The following SLC35A3 variants were observed in gnomAD, a reference collection of about 807,000 sequenced individuals.
SLC35A3 encodes UDP-N-acetylglucosamine transporter.
A neutral mutation model predicts 39.0 loss-of-function variants in SLC35A3; 26 were observed. That is an observed-to-expected ratio of 0.67 (90% CI 0.49 to 0.92). The LOEUF (loss-of-function observed/expected upper bound fraction) is 0.92. Ranked by LOEUF, SLC35A3 falls within the 40% of genes least tolerant of loss-of-function variation. SLC35A3 has a pLI of 0.00. For synonymous variants in SLC35A3, 135 were observed against 133.1 expected (o/e 1.01, Z -0.10); for missense variants, 299 against 371.6 (o/e 0.80, Z 1.61).
At chr1:99,988,841 C>T (rs537747008) in intron 1 of SLC35A3, among the ~76,000 whole-genome samples, 4 of 152,064 alleles carry the variant, frequency 2.6e-5, no homozygotes, top group Non-Finnish European at 5.9e-5. Flanking sequence ...TTGTAGCTCA[C>T]TATAACCTCA....
At chr1:100,016,128 G>C (rs1660092801) in intron 6 of SLC35A3, among the ~76,000 whole-genome samples, 1 of 147,518 alleles carries the variant, frequency 6.8e-6, no homozygotes, top group African/African-American at 2.5e-5. Context: ...GCAGTGGTAC[G>C]ATCTCGTCTC....
intron 1 of SLC35A3, among the ~76,000 whole-genome samples, chr1:99,990,216 A>G (rs748007511): frequency 9.2e-5 from 14 of 152,134 alleles, no homozygotes; most frequent in Non-Finnish European, 1.8e-4. Context: ...TGTAATGGCT[A>G]TATGATCCAT....
chr1:99,986,393 T>C (rs1486431764), intron 1 of SLC35A3, among the ~76,000 whole-genome samples: 1 of 151,990 alleles, frequency 6.6e-6, no homozygotes, highest in African/African-American at 2.4e-5. Flanking sequence ...CTCTAACTCC[T>C]GGGCTCAAGT....
At chr1:99,978,099 C>G (rs1657228011) in intron 1 of SLC35A3, among the ~76,000 whole-genome samples, 1 of 152,126 alleles carries the variant, frequency 6.6e-6, no homozygotes. Flanking sequence ...AGCTTATAAG[C>G]TTTATATCTG....
intron 7 of SLC35A3, among the ~76,000 whole-genome samples, chr1:100,019,756 G>A (rs1180038544): frequency 6.6e-6 from 1 of 152,088 alleles, no homozygotes; most frequent in Non-Finnish European, 1.5e-5. Context: ...CCACTGCCAT[G>A]TCATATCTGT....
chr1:99,987,149 C>G (rs796794671), intron 1 of SLC35A3, among the ~76,000 whole-genome samples: 1 of 152,342 alleles, frequency 6.6e-6, no homozygotes, highest in South Asian at 2.1e-4. Flanking sequence ...GCTATATAGG[C>G]TGGTGTCTCC....
chr1:100,010,437 A>G (rs1309567140), intron 4 of SLC35A3, among the ~76,000 whole-genome samples: 1 of 152,232 alleles, frequency 6.6e-6, no homozygotes, highest in African/African-American at 2.4e-5. Context: ...TCACACCCAC[A>G]GTCCTAGCAC....
intron 7 of SLC35A3, among the ~76,000 whole-genome samples, chr1:100,018,422 C>T (rs1012304075): frequency 1.3e-5 from 2 of 152,050 alleles, no homozygotes; most frequent in South Asian, 2.1e-4. Context: ...TAATTGTTTC[C>T]AGTACACCAC....
rs759840996 is a variant in SLC35A3 at position 99,995,452 on chromosome 1, C to A, written c.187+1711C>A. ...ACAGGAGTGAGCCACCACACCTGGC[C>A]CTTTTTGTGTATTTTCTTTCGAACT... On this transcript the variant is annotated intron_variant, in intron 2 of 7. Coordinates refer to ENST00000533028, the MANE Select transcript of SLC35A3 (RefSeq NM_012243.3). 2.0e-5 allele frequency among the ~76,000 whole-genome samples: 3 copies of A among 151,906 alleles called. No homozygotes were observed. The East Asian group carries it at 5.8e-4, about 29-fold the overall frequency.
chr1:100,016,928 A>G (rs1223899933), intron 6 of SLC35A3, among the ~76,000 whole-genome samples: 1 of 152,218 alleles, frequency 6.6e-6, no homozygotes. Context: ...CAACATTGCC[A>G]AGAAATACTG....
In SLC35A3 at chr1:100,028,367, A is replaced by G. The variant is rs546806005; in HGVS notation, c.*5891A>G. On this transcript the variant is annotated 3_prime_UTR_variant, in exon 8 of 8. Coordinates refer to ENST00000533028, the MANE Select transcript of SLC35A3 (RefSeq NM_012243.3). The stretch of plus-strand genomic sequence containing the variant: ...AGACAAGGTCTTCCTCCCGTTGCCT[A>G]GGCTGGAGTGCGGTGACACAATCTT... The G allele has an allele frequency of 6.6e-6, 1 of 152,458 alleles. No homozygotes were observed. The highest frequency in any genetic ancestry group is 1.9e-4 in the East Asian group (1 of 5,184). 9.4% of individuals were successfully genotyped at this position (152,458 alleles called of 1,614,324 possible).
intron 6 of SLC35A3, among the ~76,000 whole-genome samples, chr1:100,015,876 T>C (rs1332632550): frequency 6.6e-6 from 1 of 152,040 alleles, no homozygotes. Flanking sequence ...AAGGGTTGAG[T>C]AATTAATTAC....
intron 6 of SLC35A3, among the ~76,000 whole-genome samples, chr1:100,016,996 A>G (rs933250978): frequency 1.3e-5 from 2 of 152,240 alleles, no homozygotes; most frequent in African/African-American, 2.4e-5. Context: ...CTTTCTCTAA[A>G]TAAAGCTTCC....
In SLC35A3 at chr1:100,032,482, T is replaced by C. The variant is rs1292066911; in HGVS notation, c.*10006T>C. The C allele has an allele frequency of 1.3e-5, 2 of 152,222 alleles. No individual in the cohort carries two copies. Among genetic ancestry groups the C allele is most frequent in the Non-Finnish European group, 2.9e-5 (2 of 68,040 alleles). 9.4% of individuals were successfully genotyped at this position (152,222 alleles called of 1,614,324 possible). ...TACTCAATATATTATAGCCAATCGGTCACAGTTCTTTTTGATGCTCATATA... is the reference window on the plus strand; with the variant it reads ...TACTCAATATATTATAGCCAATCGGCCACAGTTCTTTTTGATGCTCATATA... On this transcript the variant is annotated 3_prime_UTR_variant, in exon 8 of 8. Coordinates refer to ENST00000533028, the MANE Select transcript of SLC35A3 (RefSeq NM_012243.3).
intron 1 of SLC35A3, among the ~76,000 whole-genome samples, chr1:99,979,723 C>T (rs926349415): frequency 2.0e-5 from 3 of 150,738 alleles, no homozygotes; most frequent in East Asian, 2.0e-4. Flanking sequence ...CGTGAGCCAC[C>T]GCGCCTGGCC....
intron 6 of SLC35A3, 32 bp from the exon 7 acceptor site, chr1:100,017,650 G>T: frequency 7.0e-7 from 1 of 1,422,770 alleles, no homozygotes. Context: ...TTTTACATGT[G>T]TGTTTTAAAA....
rs1387468392 is a variant in SLC35A3 at position 100,033,595 on chromosome 1, A to G, written c.*11119A>G. On this transcript the variant is annotated 3_prime_UTR_variant, in exon 8 of 8. Transcript: ENST00000533028. ...GGTTTGTATGCTCTAATTTATACTG[A>G]TAACATTTTATATAATGCATTTAGA... is the stretch of plus-strand genomic sequence containing the variant. 1 of 152,134 alleles carries G rather than the reference A, an allele frequency of 6.6e-6. No homozygotes were observed. Among genetic ancestry groups the G allele is most frequent in the East Asian group, 1.9e-4 (1 of 5,202 alleles). 9.4% of individuals were successfully genotyped at this position (152,134 alleles called of 1,614,324 possible). A position where few individuals can be genotyped will look rare whatever the true frequency, so the allele number is the denominator to read the frequency against.
chr1:99,995,361 CAGG>C (rs1658345803), intron 2 of SLC35A3, among the ~76,000 whole-genome samples: 1 of 151,936 alleles, frequency 6.6e-6, no homozygotes, highest in Non-Finnish European at 1.5e-5. Context: ...CCAGGTTGGC[CAGG>C]CTGGTCTTGA....
At chr1:99,991,812 G>C (rs1021907823) in intron 1 of SLC35A3, among the ~76,000 whole-genome samples, 1 of 152,138 alleles carries the variant, frequency 6.6e-6, no homozygotes, top group Non-Finnish European at 1.5e-5. Flanking sequence ...GCAGTGGCAT[G>C]ATCTCGGCTC....
Sources: allele counts gnomAD v4.1 joint callset (sites outside exome capture counted in the v4.1 genomes callset), GRCh38; gene constraint gnomAD v4.1.1; transcripts MANE v1.5; gene names NCBI Gene and HGNC (gene_info 2026-07-23, HGNC 2026-07-21).